The following CMC2 variants were observed in gnomAD, a reference collection of about 807,000 sequenced individuals.
CMC2 encodes the protein COX assembly mitochondrial protein 2 homolog.
CMC2 carries 5 observed loss-of-function variants against 7.5 expected under a neutral mutation model. The observed-to-expected ratio is 0.66, with a 90% CI of 0.35 to 1.40. The LOEUF is 1.40. Among genes scored for constraint, CMC2 ranks in the 40% most tolerant of loss-of-function variants. The pLI is 0.04. For missense variants in CMC2, 115 were observed against 92.3 expected (o/e 1.25, Z -1.01); for synonymous variants, 37 against 31.4 (o/e 1.18, Z -0.60).
intron 2 of CMC2, among the ~76,000 whole-genome samples, chr16:80,990,107 C>CTA (rs1967855119): frequency 6.6e-6 from 1 of 151,210 alleles, no homozygotes; most frequent in Non-Finnish European, 1.5e-5. Context: ...ATTCCCTCCC[C>CTA]TTTTTTTGAG....
chr16:80,974,878 T>C lies in CMC2; in HGVS notation c.*1215A>G, dbSNP rs565990387. ...CTTTCACTGAATGTCTGTTATGCTCTGTAATCGACGTACTGAGCGAAAGTC... is the reference window on the plus strand; with the variant it reads ...CTTTCACTGAATGTCTGTTATGCTCCGTAATCGACGTACTGAGCGAAAGTC... On this transcript the variant is annotated 3_prime_UTR_variant, in exon 4 of 4. Transcript: ENST00000219400. 1.4e-4 allele frequency: 21 copies of C among 152,400 alleles called. No individual in the cohort carries two copies. Among genetic ancestry groups the C allele is most frequent in the African/African-American group, 5.0e-4 (21 of 41,602 alleles). 9.4% of individuals were successfully genotyped at this position (152,400 alleles called of 1,614,324 possible). A position where few individuals can be genotyped will look rare whatever the true frequency, so the allele number is the denominator to read the frequency against.
chr16:80,991,911 C>G (rs1968027253), intron 2 of CMC2: 2 of 454,492 alleles, frequency 4.4e-6, no homozygotes, highest in Non-Finnish European at 8.8e-6. Context: ...TAACAGGAGC[C>G]TAAAGAGTGA....
intron 2 of CMC2, among the ~76,000 whole-genome samples, chr16:80,993,874 A>C (rs952852705): frequency 6.6e-6 from 1 of 152,232 alleles, no homozygotes; most frequent in Non-Finnish European, 1.5e-5. Flanking sequence ...TGGAAATGAA[A>C]GTACTTAGAA....
intron 3 of CMC2, among the ~76,000 whole-genome samples, chr16:80,976,422 T>G (rs1467055200): frequency 6.6e-6 from 1 of 152,232 alleles, no homozygotes; most frequent in Non-Finnish European, 1.5e-5. Context: ...CAGTACAGCA[T>G]CTACATGCTA....
chr16:80,976,861 C>G (rs1331249603), intron 3 of CMC2, among the ~76,000 whole-genome samples: 1 of 152,180 alleles, frequency 6.6e-6, no homozygotes, highest in Admixed American at 6.5e-5. Flanking sequence ...GTTTCCACAA[C>G]TGCTGCACAG....
chr16:80,975,247 C>G lies in CMC2; in HGVS notation c.*846G>C, dbSNP rs962731572. The stretch of plus-strand genomic sequence containing the variant: ...GGCACCTCGAGTGGACACATTCAAC[C>G]AAATGGGAAAGCAAAGTCTGCTAAG... On this transcript the variant is annotated 3_prime_UTR_variant, in exon 4 of 4. Coordinates refer to ENST00000219400, the MANE Select transcript of CMC2 (RefSeq NM_020188.5). The G allele has an allele frequency of 6.6e-6, 1 of 152,290 alleles. No individual in the cohort carries two copies. Among genetic ancestry groups the G allele is most frequent in the African/African-American group, 2.4e-5 (1 of 41,456 alleles). 9.4% of individuals were successfully genotyped at this position (152,290 alleles called of 1,614,324 possible).
chr16:81,006,662 G>A (rs1969376496), intron 1 of CMC2, 72 bp downstream of exon 1: 5 of 970,506 alleles, frequency 5.2e-6, no homozygotes, highest in Non-Finnish European at 6.1e-6. Flanking sequence ...GGGGCTCGGC[G>A]GGACGCGCCA....
Position 80,981,877 on chromosome 16 carries a change from G to C in CMC2, c.82C>G (p.His28Asp). Residue 28 changes from histidine to aspartate, a missense_variant and splice_region_variant, in exon 3 of 4, where the codon CAC (histidine) becomes GAC (aspartate). Transcript: ENST00000219400. The part of the protein sequence containing the change: ...INLLKECHKN[H>D]NILKFFGYCN... ...TAACCAAAAAATTTCAGAATGTTGT[G>C]CTAAAAGGAAGAAAAGGAGTAAAAT... 3.1e-6 allele frequency: 5 copies of C among 1,602,440 alleles called. No individual in the cohort carries two copies. The highest frequency in any genetic ancestry group is 3.4e-6 in the Non-Finnish European group (4 of 1,171,136).
At chr16:80,998,141 A>G (rs920849580) in intron 1 of CMC2, 1 of 139,286 alleles carries the variant, frequency 7.2e-6, no homozygotes. Flanking sequence ...GGGTCTTGCT[A>G]TGTTGCCCAG....
chr16:81,006,802 G>A lies in CMC2; in HGVS notation c.-104C>T, dbSNP rs1969402518. The A allele has an allele frequency of 1.0e-6, 1 of 985,530 alleles. No individual in the cohort carries two copies. The highest frequency in any genetic ancestry group is 4.7e-5 in the South Asian group (1 of 21,294). The allele number at this position is 985,530 out of a possible 1,614,324, so 61.0% of individuals were successfully genotyped here. A position where few individuals can be genotyped will look rare whatever the true frequency, so the allele number is the denominator to read the frequency against. ...GCGGAGACGCCCGACCCGAAGGCCG[G>A]CTGCTAGGGAGCAGACAGCTGAACC... On this transcript the variant is annotated 5_prime_UTR_variant, in exon 1 of 4. Coordinates refer to ENST00000219400, the MANE Select transcript of CMC2 (RefSeq NM_020188.5).
chr16:80,982,611 A>G (rs1289724796), intron 2 of CMC2: 2 of 152,122 alleles, frequency 1.3e-5, no homozygotes, highest in Admixed American at 6.5e-5. Flanking sequence ...AAATTTATCA[A>G]AACTAACACA....
At chr16:80,998,827 A>C (rs914663218) in intron 1 of CMC2, 1 of 152,228 alleles carries the variant, frequency 6.6e-6, no homozygotes, top group Non-Finnish European at 1.5e-5. Flanking sequence ...CTCCACACAA[A>C]CAGAATTAAA....
At chr16:80,977,716 G>T (rs16954370) in intron 3 of CMC2, among the ~76,000 whole-genome samples, 8,837 of 152,222 alleles carry the variant, frequency 0.058, 359 homozygotes, top group East Asian at 0.19. Context: ...AGTTTTGACT[G>T]AAGGATTCTA....
intron 3 of CMC2, among the ~76,000 whole-genome samples, chr16:80,978,008 G>T (rs1012978734): frequency 6.6e-6 from 1 of 151,168 alleles, no homozygotes; most frequent in Non-Finnish European, 1.5e-5. Flanking sequence ...GAAGGAGGAG[G>T]TTGCAGTGAG....
intron 2 of CMC2, chr16:80,991,692 C>T (rs529297922): frequency 8.1e-5 from 18 of 222,712 alleles, no homozygotes; most frequent in South Asian, 4.4e-4. Context: ...AGGTGATCAA[C>T]GTCAACATTA....
intron 1 of CMC2, chr16:81,001,155 A>T (rs1441884167): frequency 6.6e-6 from 1 of 152,242 alleles, no homozygotes; most frequent in African/African-American, 2.4e-5. Flanking sequence ...GGATACTCAC[A>T]GACATAAAGA....
At chr16:80,994,699 G>T (rs2549861) in intron 2 of CMC2, among the ~76,000 whole-genome samples, 98,266 of 152,110 alleles carry the variant, frequency 0.65, 33,727 homozygotes, top group Middle Eastern at 0.8. Context: ...ATATTAGGCA[G>T]TGGTGATGGA....
chr16:80,992,897 G>A (rs796077161), intron 2 of CMC2, among the ~76,000 whole-genome samples: 28 of 151,998 alleles, frequency 1.8e-4, no homozygotes, highest in African/African-American at 6.8e-4. Flanking sequence ...TTGCTATGTT[G>A]CCCAAGCTGG....
intron 2 of CMC2, chr16:80,982,460 G>T (rs1271182192): frequency 7.3e-6 from 1 of 136,144 alleles, no homozygotes; most frequent in Non-Finnish European, 1.5e-5. Context: ...AGTGAGTCGA[G>T]ATCGCGCCCC....
Sources: allele counts gnomAD v4.1 joint callset (sites outside exome capture counted in the v4.1 genomes callset), GRCh38; gene constraint gnomAD v4.1.1; transcripts MANE v1.5; gene names NCBI Gene and HGNC (gene_info 2026-07-23, HGNC 2026-07-21).